Variants in PARD3B observed in about 807,000 individuals in gnomAD.
PARD3B encodes the protein partitioning defective 3 homolog B.
PARD3B carries 103 observed loss-of-function variants against 130.2 expected under a neutral mutation model. The ratio of observed to expected loss-of-function variants is 0.79; its 90% CI spans 0.67 to 0.93. The LOEUF is 0.93. Ranked by LOEUF, PARD3B falls within the 40% of genes least tolerant of loss-of-function variation. The pLI, the probability that PARD3B is intolerant of heterozygous loss-of-function variation, is 0.00. For missense variants in PARD3B, 1,609 were observed against 1,499.2 expected, an observed-to-expected ratio of 1.07 and a Z score of -1.21; for synonymous variants, 583 against 553.2, an observed-to-expected ratio of 1.05 and a Z score of -0.76.
chr2:204,830,482 A>T (rs186236835), intron 2 of PARD3B, among the ~76,000 whole-genome samples: 1 of 152,344 alleles, frequency 6.6e-6, no homozygotes, highest in East Asian at 1.9e-4. Context: ...GGAGAGGAGA[A>T]TTGAGGAAAA....
intron 2 of PARD3B, among the ~76,000 whole-genome samples, chr2:204,941,643 G>A (rs1688912707): frequency 6.6e-6 from 1 of 152,124 alleles, no homozygotes; most frequent in Non-Finnish European, 1.5e-5. Flanking sequence ...GGTTTCCAAT[G>A]TGGGTCTTTT....
At chr2:204,671,420 T>C (rs774414510) in intron 1 of PARD3B, among the ~76,000 whole-genome samples, 2 of 152,160 alleles carry the variant, frequency 1.3e-5, no homozygotes, top group Non-Finnish European at 2.9e-5. Flanking sequence ...TTGTTCACCA[T>C]TTTCAGCCCC....
intron 16 of PARD3B, among the ~76,000 whole-genome samples, chr2:205,284,523 C>T (rs1431189764): frequency 6.6e-6 from 1 of 152,114 alleles, no homozygotes; most frequent in Non-Finnish European, 1.5e-5. Flanking sequence ...AGAGTTAATG[C>T]TCTATTGAAA....
In PARD3B at chr2:205,546,045, A is replaced by T. The variant is rs1050248493; in HGVS notation, c.3181-7279A>T. Among the ~76,000 whole-genome samples, 8 of 152,312 alleles carry T rather than the reference A, an allele frequency of 5.3e-5. No individual in the cohort carries two copies. In the East Asian group the frequency reaches 9.7e-4, roughly 18 times the overall value. ...TAGCTTTATTTTAACAAGGCTCCTA[A>T]CACCCCAGCCGGCAGCAGGCATTGA... is the stretch of plus-strand genomic sequence containing the variant. On this transcript the variant is annotated intron_variant, in intron 21 of 22. Transcript: ENST00000406610.
intron 4 of PARD3B, among the ~76,000 whole-genome samples, chr2:205,063,920 G>A (rs1700203961): frequency 7.1e-6 from 1 of 140,036 alleles, no homozygotes; most frequent in Admixed American, 6.9e-5. Flanking sequence ...AAGTAGAGAT[G>A]CTTGGAAATA....
At chr2:204,958,202 T>G (rs1559299376) in intron 2 of PARD3B, among the ~76,000 whole-genome samples, 2 of 152,114 alleles carry the variant, frequency 1.3e-5, no homozygotes, top group African/African-American at 4.8e-5. Context: ...GATAATAGCA[T>G]CAGATTATAA....
At chr2:205,224,170 C>A (rs1235550608) in intron 15 of PARD3B, among the ~76,000 whole-genome samples, 4 of 149,928 alleles carry the variant, frequency 2.7e-5, no homozygotes. Context: ...GAGATTGAGA[C>A]CATCCTGGAG....
intron 15 of PARD3B, among the ~76,000 whole-genome samples, chr2:205,228,844 G>T (rs2038695358): frequency 6.6e-6 from 1 of 152,084 alleles, no homozygotes; most frequent in Non-Finnish European, 1.5e-5. Context: ...CTGGCTTCAA[G>T]CTCACTGATT....
chr2:205,184,423 A>G lies in PARD3B; in HGVS notation c.1925-1341A>G, dbSNP rs112103270. ...AATAATCCTCTGTTTACTTAACAGT[A>G]TGCATTTACAAATCACTGCTTAAAT... On this transcript the variant is annotated intron_variant, in intron 13 of 22. Coordinates refer to ENST00000406610, the MANE Select transcript of PARD3B (RefSeq NM_001302769.2). Among the ~76,000 whole-genome samples the G allele has an allele frequency of 8.0e-3, 1,220 of 152,310 alleles. 15 individuals are homozygous for G. The highest frequency in any genetic ancestry group is 0.017 in the Middle Eastern group (5 of 294).
At chr2:205,086,578 TA>T (rs531974982) in intron 4 of PARD3B, among the ~76,000 whole-genome samples, 67 of 152,346 alleles carry the variant, frequency 4.4e-4, no homozygotes, top group East Asian at 2.7e-3. Flanking sequence ...GGTTATTAGA[TA>T]TTTTTGTTAT....
At chr2:204,933,784 C>G (rs541253296) in intron 2 of PARD3B, among the ~76,000 whole-genome samples, 1 of 151,802 alleles carries the variant, frequency 6.6e-6, no homozygotes, top group South Asian at 2.1e-4. Flanking sequence ...TTACTTCTCT[C>G]TTTCATTGTC....
chr2:205,573,190 G>A (rs2053620379), intron 22 of PARD3B, among the ~76,000 whole-genome samples: 1 of 152,154 alleles, frequency 6.6e-6, no homozygotes, highest in Admixed American at 6.5e-5. Context: ...TATAGTTCAA[G>A]ATGAGATTTG....
At chr2:205,161,732 A>C (rs887307699) in intron 11 of PARD3B, among the ~76,000 whole-genome samples, 5 of 152,166 alleles carry the variant, frequency 3.3e-5, no homozygotes, top group African/African-American at 1.2e-4. Context: ...TTGTCTCAGC[A>C]TTTGGCCCTA....
At chr2:204,692,635 T>C (rs2037408868) in intron 2 of PARD3B, among the ~76,000 whole-genome samples, 1 of 152,056 alleles carries the variant, frequency 6.6e-6, no homozygotes, top group Non-Finnish European at 1.5e-5. Context: ...TGATGTGTTT[T>C]TGTTTTTCCT....
intron 2 of PARD3B, among the ~76,000 whole-genome samples, chr2:204,949,794 T>A (rs917418026): frequency 6.6e-6 from 1 of 152,238 alleles, no homozygotes; most frequent in African/African-American, 2.4e-5. Flanking sequence ...AAATTAAGTC[T>A]ATCTTATTAG....
At position 205,070,655 on chromosome 2, in the gene PARD3B, A is replaced by C. The variant is rs190404359; in HGVS notation, c.504+22965A>C. Reference sequence around the variant, plus strand: ...TATGTATAAGATCAAAAGATACATAATAAGTTTTGTTTTGTTTTTCGCCAT... The same window carrying C: ...TATGTATAAGATCAAAAGATACATACTAAGTTTTGTTTTGTTTTTCGCCAT... On this transcript the variant is annotated intron_variant, in intron 4 of 22. Coordinates refer to ENST00000406610, the MANE Select transcript of PARD3B (RefSeq NM_001302769.2). Among the ~76,000 whole-genome samples the C allele has an allele frequency of 5.3e-3, 813 of 152,310 alleles. 3 individuals carry two copies. The highest frequency in any genetic ancestry group is 0.01 in the Middle Eastern group (3 of 294).
At chr2:204,694,032 C>T (rs2037476570) in intron 2 of PARD3B, among the ~76,000 whole-genome samples, 1 of 151,938 alleles carries the variant, frequency 6.6e-6, no homozygotes, top group African/African-American at 2.4e-5. Context: ...ACTTGTAACT[C>T]CAGTTTTTCC....
intron 2 of PARD3B, among the ~76,000 whole-genome samples, chr2:204,838,511 G>A (rs2044142542): frequency 6.6e-6 from 1 of 152,014 alleles, no homozygotes; most frequent in Non-Finnish European, 1.5e-5. Flanking sequence ...CACCATGCCT[G>A]GCTGCATCAG....
chr2:205,481,608 T>C (rs771427804), intron 20 of PARD3B, among the ~76,000 whole-genome samples: 1 of 152,184 alleles, frequency 6.6e-6, no homozygotes, highest in African/African-American at 2.4e-5. Context: ...AATAATGTCA[T>C]AGTAGAGCCC....
Sources: gnomAD v4.1 joint callset for allele counts (sites outside exome capture counted in the v4.1 genomes callset) on GRCh38, gnomAD v4.1.1 for gene constraint, MANE v1.5 for transcripts, NCBI Gene and HGNC (gene_info 2026-07-23, HGNC 2026-07-21) for gene names.